The following GPM6A variants were observed in gnomAD, a reference collection of about 807,000 sequenced individuals.
The protein encoded by GPM6A is neuronal membrane glycoprotein M6-a.
GPM6A carries 7 observed loss-of-function variants against 32.1 expected under a neutral mutation model. That is an observed-to-expected ratio of 0.22 (90% CI 0.12 to 0.41). The LOEUF (loss-of-function observed/expected upper bound fraction) is 0.41. GPM6A is among the 10% of genes least tolerant of loss of function. GPM6A has a pLI of 1.00. For missense variants in GPM6A, 235 were observed against 347.2 expected, an observed-to-expected ratio of 0.68 and a Z score of 2.57; for synonymous variants, 130 against 123.4, an observed-to-expected ratio of 1.05 and a Z score of -0.35.
chr4:175,754,362 T>A (rs1353104807), intron 1 of GPM6A, among the ~76,000 whole-genome samples: 1 of 152,088 alleles, frequency 6.6e-6, no homozygotes, highest in Admixed American at 6.6e-5. Flanking sequence ...GTTTAACACA[T>A]GAAAAGTAGA....
chr4:175,956,974 T>C lies in GPM6A; in HGVS notation c.-23+45335A>G, dbSNP rs149028947. 4.2e-3 allele frequency among the ~76,000 whole-genome samples: 641 copies of C among 152,322 alleles called. 6 individuals are homozygous for C. Among genetic ancestry groups the C allele is most frequent in the African/African-American group, 0.015 (620 of 41,578 alleles). ...CAATGGGAAAGTAAACAGAAATTAC[T>C]CAATATTCTCTATCAAAATACAGCC... On this transcript the variant is annotated intron_variant, in intron 1 of 7. Coordinates refer to the GPM6A transcript ENST00000280187.
intron 1 of GPM6A, among the ~76,000 whole-genome samples, chr4:175,799,671 C>CCTTTTTTTTTT (rs1734384725): frequency 8.2e-6 from 1 of 122,098 alleles, no homozygotes; most frequent in South Asian, 2.7e-4. Flanking sequence ...CAAGTGTTTT[C>CCTTTTTTTTTT]TTTTTTTTTT....
intron 3 of GPM6A, among the ~76,000 whole-genome samples, chr4:175,659,285 G>T (rs545196249): frequency 6.6e-6 from 1 of 152,076 alleles, no homozygotes; most frequent in Non-Finnish European, 1.5e-5. Context: ...TCACCATGTT[G>T]CCCAGGCTGG....
At chr4:175,872,602 T>A (rs1415855085) in intron 1 of GPM6A, 1 of 152,222 alleles carries the variant, frequency 6.6e-6, no homozygotes, top group African/African-American at 2.4e-5. Context: ...TTGATCATAG[T>A]GAATATAATA....
chr4:175,810,789 G>A (rs1451850490), intron 1 of GPM6A, among the ~76,000 whole-genome samples: 3 of 152,166 alleles, frequency 2.0e-5, no homozygotes, highest in Non-Finnish European at 2.9e-5. Context: ...AGTCCACTGA[G>A]ATGTCTTGTA....
chr4:175,800,348 T>C (rs1734425197), intron 1 of GPM6A, among the ~76,000 whole-genome samples: 1 of 152,216 alleles, frequency 6.6e-6, no homozygotes, highest in Admixed American at 6.5e-5. Context: ...TAACCCTGTG[T>C]ATATAAGTCC....
chr4:175,861,975 G>GT (rs1355228030), intron 1 of GPM6A, among the ~76,000 whole-genome samples: 20 of 142,996 alleles, frequency 1.4e-4, no homozygotes, highest in Non-Finnish European at 2.6e-4. Flanking sequence ...ATATTCACAT[G>GT]TTTACTCTGT....
At chr4:175,895,116 G>T (rs993868878) in intron 1 of GPM6A, among the ~76,000 whole-genome samples, 1 of 152,030 alleles carries the variant, frequency 6.6e-6, no homozygotes, top group Non-Finnish European at 1.5e-5. Flanking sequence ...ATACTTAAAG[G>T]CAAAACAAAA....
intron 1 of GPM6A, among the ~76,000 whole-genome samples, chr4:175,951,326 T>C (rs1022955549): frequency 1.4e-4 from 21 of 152,216 alleles, no homozygotes; most frequent in African/African-American, 4.8e-4. Flanking sequence ...TTTTTAAATC[T>C]GTGGATATAG....
rs184301861 is a variant in GPM6A at position 175,634,502 on chromosome 4, G to A, written c.*403C>T. On this transcript the variant is annotated 3_prime_UTR_variant, in exon 7 of 7. Transcript: ENST00000393658. Reference sequence around the variant, plus strand: ...GTTACCTGTAGTTAAACTAGTTACCGAAATCAAAACTAAAAAGTATAAAAA... The same window carrying A: ...GTTACCTGTAGTTAAACTAGTTACCAAAATCAAAACTAAAAAGTATAAAAA... 107 of 161,284 alleles carry A rather than the reference G, an allele frequency of 6.6e-4. 2 individuals are homozygous for A. Among genetic ancestry groups the A allele is most frequent in the Non-Finnish European group, 5.4e-5 (4 of 74,264 alleles). The allele number at this position is 161,284 out of a possible 1,614,324, so 10.0% of individuals were successfully genotyped here.
chr4:175,657,738 G>T (rs1435194794), intron 3 of GPM6A, among the ~76,000 whole-genome samples: 1 of 152,160 alleles, frequency 6.6e-6, no homozygotes, highest in Admixed American at 6.5e-5. Flanking sequence ...GTATAATATA[G>T]GACATTTAAC....
intron 1 of GPM6A, among the ~76,000 whole-genome samples, chr4:175,735,466 C>T (rs1473519958): frequency 6.6e-6 from 1 of 152,022 alleles, no homozygotes; most frequent in East Asian, 1.9e-4. Context: ...TAGATGATAT[C>T]ACTGTAAAAT....
intron 6 of GPM6A, among the ~76,000 whole-genome samples, chr4:175,638,331 G>A (rs1740935223): frequency 6.6e-6 from 1 of 151,856 alleles, no homozygotes; most frequent in Non-Finnish European, 1.5e-5. Context: ...ATCATTATCA[G>A]AGCTAATAAA....
chr4:175,836,567 G>T (rs1330640589), intron 1 of GPM6A, among the ~76,000 whole-genome samples: 1 of 152,084 alleles, frequency 6.6e-6, no homozygotes. Context: ...AGACAGGTTG[G>T]CCAAGGAAGA....
chr4:175,637,299 A>T (rs1248938291), intron 6 of GPM6A, among the ~76,000 whole-genome samples: 4 of 39,592 alleles, frequency 1.0e-4, no homozygotes, highest in South Asian at 8.0e-4. Flanking sequence ...AATATATATT[A>T]TATATTATAT....
chr4:175,894,240 T>C (rs1381543387), intron 1 of GPM6A, among the ~76,000 whole-genome samples: 1 of 152,104 alleles, frequency 6.6e-6, no homozygotes, highest in Non-Finnish European at 1.5e-5. Flanking sequence ...TTGAAGATAC[T>C]TTTGCTCAGA....
intron 1 of GPM6A, chr4:175,961,482 G>A (rs1481598663): frequency 6.6e-6 from 1 of 152,114 alleles, no homozygotes; most frequent in East Asian, 1.9e-4. Flanking sequence ...CAATTCCCTG[G>A]AGCAGAAATC....
At chr4:175,944,051 T>A (rs1739509697) in intron 1 of GPM6A, among the ~76,000 whole-genome samples, 2 of 152,206 alleles carry the variant, frequency 1.3e-5, no homozygotes, top group African/African-American at 4.8e-5. Flanking sequence ...ACTGCCTCAA[T>A]TTCAGAACTT....
At chr4:175,762,336 T>C (rs1458699191) in intron 1 of GPM6A, among the ~76,000 whole-genome samples, 1 of 152,208 alleles carries the variant, frequency 6.6e-6, no homozygotes, top group Non-Finnish European at 1.5e-5. Context: ...CTATTGCTCA[T>C]ACAACATGTT....
Sources: allele counts gnomAD v4.1 joint callset (sites outside exome capture counted in the v4.1 genomes callset), GRCh38; gene constraint gnomAD v4.1.1; transcripts MANE v1.5; gene names NCBI Gene and HGNC (gene_info 2026-07-23, HGNC 2026-07-21).